Variants in RALYL observed in about 807,000 individuals in gnomAD.
The protein encoded by RALYL is RALY RNA binding protein like.
A neutral mutation model predicts 35.1 loss-of-function variants in RALYL; 29 were observed. The ratio of observed to expected loss-of-function variants is 0.83; its 90% CI spans 0.61 to 1.13. RALYL has a LOEUF of 1.13. Ranked by LOEUF, RALYL falls within the 50% of genes most tolerant of loss-of-function variation. The pLI is 0.00. For missense variants in RALYL, 359 were observed against 360.4 expected (o/e 1.00, Z 0.03); for synonymous variants, 120 against 127.6 (o/e 0.94, Z 0.40).
chr8:84,491,902 C>T (rs1219126406), intron 1 of RALYL, among the ~76,000 whole-genome samples: 1 of 151,630 alleles, frequency 6.6e-6, no homozygotes, highest in African/African-American at 2.4e-5. Flanking sequence ...TATATCCAAC[C>T]CTATATCCTT....
chr8:84,199,446 G>C (rs559812046), intron 1 of RALYL, among the ~76,000 whole-genome samples: 198 of 152,100 alleles, frequency 1.3e-3, no homozygotes, highest in African/African-American at 4.6e-3. Flanking sequence ...TCTATGAGTT[G>C]TCTCCTCACT....
At chr8:84,618,923 C>T (rs1820548842) in intron 2 of RALYL, among the ~76,000 whole-genome samples, 1 of 123,564 alleles carries the variant, frequency 8.1e-6, no homozygotes, top group South Asian at 3.0e-4. Flanking sequence ...ATTCTTAATC[C>T]TGAGTTCTAG....
intron 1 of RALYL, among the ~76,000 whole-genome samples, chr8:84,383,772 A>G (rs1218143016): frequency 6.7e-5 from 10 of 148,960 alleles, no homozygotes; most frequent in Admixed American, 6.7e-4. Context: ...TTGATTTGAG[A>G]CAGTTACATT....
At chr8:84,884,496 T>A (rs2403032) in intron 7 of RALYL, among the ~76,000 whole-genome samples, 1 of 151,546 alleles carries the variant, frequency 6.6e-6, no homozygotes, top group African/African-American at 2.4e-5. Context: ...TATATACATA[T>A]ACACACAAAC....
intron 2 of RALYL, among the ~76,000 whole-genome samples, chr8:84,532,958 A>G (rs1046168215): frequency 3.9e-5 from 6 of 152,090 alleles, no homozygotes; most frequent in East Asian, 1.9e-4. Flanking sequence ...TCTTTGATAT[A>G]TAATAGAAGA....
intron 1 of RALYL, among the ~76,000 whole-genome samples, chr8:84,237,972 A>G (rs1294467522): frequency 6.9e-6 from 1 of 144,446 alleles, no homozygotes; most frequent in Non-Finnish European, 1.5e-5. Context: ...TAAAATATGA[A>G]TCTAAAAAAA....
At chr8:84,293,379 A>G (rs1164039093) in intron 1 of RALYL, among the ~76,000 whole-genome samples, 16 of 152,118 alleles carry the variant, frequency 1.1e-4, no homozygotes, top group Non-Finnish European at 1.6e-4. Flanking sequence ...TCTTTAATAA[A>G]TAAGTAAAAT....
At chr8:84,434,615 C>T (rs1045756293) in intron 1 of RALYL, among the ~76,000 whole-genome samples, 1 of 152,084 alleles carries the variant, frequency 6.6e-6, no homozygotes, top group Admixed American at 6.6e-5. Context: ...TAAAAGCAAA[C>T]TTAAAGAATA....
intron 2 of RALYL, among the ~76,000 whole-genome samples, chr8:84,624,729 C>G (rs919179991): frequency 3.9e-5 from 6 of 152,160 alleles, no homozygotes; most frequent in Non-Finnish European, 8.8e-5. Flanking sequence ...GTCTGCCTAC[C>G]ACACTTGTTT....
chr8:84,605,800 T>TGG (rs535022026), intron 2 of RALYL, among the ~76,000 whole-genome samples: 22 of 152,170 alleles, frequency 1.4e-4, no homozygotes, highest in Non-Finnish European at 2.9e-4. Context: ...ATTTACATAC[T>TGG]GGGGGAGAAC....
intron 2 of RALYL, among the ~76,000 whole-genome samples, chr8:84,600,469 AT>A (rs1305546282): frequency 6.6e-6 from 1 of 152,094 alleles, no homozygotes; most frequent in Non-Finnish European, 1.5e-5. Flanking sequence ...CTGAGCACAC[AT>A]TTTTGCTTTT....
chr8:84,653,947 C>T (rs574050501), intron 2 of RALYL, among the ~76,000 whole-genome samples: 134 of 151,440 alleles, frequency 8.8e-4, no homozygotes, highest in Non-Finnish European at 1.2e-3. Flanking sequence ...TTATTTATTT[C>T]ACTTATTCTC....
At chr8:84,827,707 C>G (rs1232058690) in intron 4 of RALYL, among the ~76,000 whole-genome samples, 1 of 151,960 alleles carries the variant, frequency 6.6e-6, no homozygotes, top group Middle Eastern at 3.2e-3. Context: ...ATATCGCATT[C>G]CACTCAATTT....
chr8:84,205,770 T>C (rs546516053), intron 1 of RALYL, among the ~76,000 whole-genome samples: 2 of 152,306 alleles, frequency 1.3e-5, no homozygotes, highest in East Asian at 3.9e-4. Flanking sequence ...AAATAAATGC[T>C]GAACATTGTG....
At chr8:84,258,360 G>C (rs1831578079) in intron 1 of RALYL, among the ~76,000 whole-genome samples, 1 of 152,044 alleles carries the variant, frequency 6.6e-6, no homozygotes, top group Non-Finnish European at 1.5e-5. Flanking sequence ...AAATTTAAAG[G>C]AATAGATATT....
chr8:84,814,515 C>G (rs1227689015), intron 4 of RALYL, among the ~76,000 whole-genome samples: 2 of 152,024 alleles, frequency 1.3e-5, no homozygotes, highest in African/African-American at 4.8e-5. Flanking sequence ...TAATATGCAT[C>G]TCATCTTAAT....
intron 2 of RALYL, among the ~76,000 whole-genome samples, chr8:84,658,503 T>G (rs1014218646): frequency 6.6e-6 from 1 of 152,178 alleles, no homozygotes; most frequent in Non-Finnish European, 1.5e-5. Flanking sequence ...GTGGATAAAC[T>G]CTGTAGTTTT....
chr8:84,330,633 C>T (rs950428105), intron 1 of RALYL, among the ~76,000 whole-genome samples: 4 of 152,032 alleles, frequency 2.6e-5, no homozygotes, highest in Non-Finnish European at 5.9e-5. Flanking sequence ...GGGTTTTCTT[C>T]TAATGCCTCT....
chr8:84,642,002 A>G, intron 2 of RALYL, among the ~76,000 whole-genome samples: 1 of 152,026 alleles, frequency 6.6e-6, no homozygotes, highest in East Asian at 1.9e-4. Context: ...TATTTATCAA[A>G]GATTCATGTG....
Sources: gnomAD v4.1 joint callset for allele counts (sites outside exome capture counted in the v4.1 genomes callset) on GRCh38, gnomAD v4.1.1 for gene constraint, MANE v1.5 for transcripts, NCBI Gene and HGNC (gene_info 2026-07-23, HGNC 2026-07-21) for gene names.